Variants in PTPRD observed in about 807,000 individuals in gnomAD.
PTPRD encodes the protein protein tyrosine phosphatase receptor type D, also known as receptor-type tyrosine-protein phosphatase delta.
PTPRD carries 34 observed loss-of-function variants against 214.5 expected under a neutral mutation model. That is an observed-to-expected ratio of 0.16 (90% confidence interval 0.12 to 0.21). PTPRD has a LOEUF of 0.21. Among genes scored for constraint, PTPRD ranks in the 10% least tolerant of loss-of-function variants. The pLI, the probability that PTPRD is intolerant of heterozygous loss-of-function variation, is 1.00. For missense variants in PTPRD, 2,545 were observed against 2,398.7 expected (o/e 1.06, Z -1.27); for synonymous variants, 1,128 against 845.7 (o/e 1.33, Z -5.79).
rs202192271 is a variant in PTPRD at position 8,331,765 on chromosome 9, G to A, written c.5380-29C>T. ...TAGAAGGAAAGCCACATACCCGGCC[G>A]CAAAGGAAGACGCCAGGAGGATTCA... On this transcript the variant is annotated intron_variant, in intron 43 of 45. Coordinates refer to ENST00000381196, the MANE Select transcript of PTPRD (RefSeq NM_002839.4). 1.0e-4 allele frequency: 161 copies of A among 1,543,920 alleles called. No homozygotes were observed. The African/African-American group carries it at 1.3e-3, about 12-fold the overall frequency.
At chr9:9,709,434 G>A (rs2097686168) in intron 7 of PTPRD, among the ~76,000 whole-genome samples, 1 of 151,846 alleles carries the variant, frequency 6.6e-6, no homozygotes. Flanking sequence ...TTACAGGTAG[G>A]CCAACACTCA....
In PTPRD at chr9:8,920,932, G is replaced by C. The variant is rs548674970; in HGVS notation, c.-104+97765C>G. ...AGGATCAAGCGATTCTCCTGCCTCA[G>C]CCTCCTGCGTAGCTGGGATTACAGA... On this transcript the variant is annotated intron_variant, in intron 11 of 45. Coordinates refer to ENST00000381196, the MANE Select transcript of PTPRD (RefSeq NM_002839.4). Among the ~76,000 whole-genome samples the C allele has an allele frequency of 2.0e-5, 3 of 152,220 alleles. No individual in the cohort carries two copies. In the East Asian group the frequency reaches 5.8e-4, roughly 29 times the overall value.
intron 8 of PTPRD, among the ~76,000 whole-genome samples, chr9:9,443,701 C>T (rs1253523478): frequency 3.3e-5 from 5 of 152,138 alleles, no homozygotes; most frequent in Non-Finnish European, 5.9e-5. Flanking sequence ...CCAGACACAT[C>T]GCTGAAGCTA....
chr9:10,077,961 C>T (rs1239994121), intron 3 of PTPRD, among the ~76,000 whole-genome samples: 1 of 151,884 alleles, frequency 6.6e-6, no homozygotes, highest in Admixed American at 6.6e-5. Flanking sequence ...GTGGACACCA[C>T]ATTCATATTT....
At chr9:9,530,712 G>A (rs1000403363) in intron 8 of PTPRD, among the ~76,000 whole-genome samples, 2 of 152,146 alleles carry the variant, frequency 1.3e-5, no homozygotes, top group African/African-American at 4.8e-5. Context: ...TGTAAAAAAT[G>A]AATGAAATAA....
intron 25 of PTPRD, among the ~76,000 whole-genome samples, chr9:8,497,653 C>T (rs1285807926): frequency 6.6e-6 from 1 of 152,052 alleles, no homozygotes; most frequent in East Asian, 1.9e-4. Context: ...ACACTTATAA[C>T]TTCAATGAAG....
At position 10,031,862 on chromosome 9, in the gene PTPRD, T is replaced by A. The variant is rs147680524; in HGVS notation, c.-472+1856A>T. 2.9e-3 allele frequency among the ~76,000 whole-genome samples: 444 copies of A among 151,908 alleles called. 1 individual carries two copies. Among genetic ancestry groups the A allele is most frequent in the African/African-American group, 0.01 (420 of 41,378 alleles). On this transcript the variant is annotated intron_variant, in intron 4 of 45. Coordinates refer to ENST00000381196, the MANE Select transcript of PTPRD (RefSeq NM_002839.4). Reference sequence around the variant, plus strand: ...TTTTTGAAGACAAGAGATGGTGAATTGGCCCCTGGATAACAGAAAATTTAA... The same window carrying A: ...TTTTTGAAGACAAGAGATGGTGAATAGGCCCCTGGATAACAGAAAATTTAA...
intron 3 of PTPRD, among the ~76,000 whole-genome samples, chr9:10,100,441 G>C (rs2098540726): frequency 6.6e-6 from 1 of 151,584 alleles, no homozygotes; most frequent in Non-Finnish European, 1.5e-5. Context: ...TCTCCAGGTA[G>C]AGAAGGCAAT....
chr9:9,191,113 A>G (rs978028728), intron 9 of PTPRD, among the ~76,000 whole-genome samples: 4 of 152,154 alleles, frequency 2.6e-5, no homozygotes, highest in Admixed American at 6.6e-5. Context: ...ATTAGATTAT[A>G]AAAAGACTGG....
At chr9:8,383,981 T>C (rs2086080838) in intron 37 of PTPRD, among the ~76,000 whole-genome samples, 1 of 152,188 alleles carries the variant, frequency 6.6e-6, no homozygotes, top group African/African-American at 2.4e-5. Flanking sequence ...GTGTTCTGTA[T>C]TTCAAGATGG....
At chr9:8,384,194 G>A (rs1029669899) in intron 37 of PTPRD, among the ~76,000 whole-genome samples, 1 of 152,010 alleles carries the variant, frequency 6.6e-6, no homozygotes, top group Non-Finnish European at 1.5e-5. Context: ...AATCCCAGCT[G>A]TATACATTTT....
intron 11 of PTPRD, among the ~76,000 whole-genome samples, chr9:9,008,338 C>T (rs557888259): frequency 6.6e-6 from 1 of 151,892 alleles, no homozygotes; most frequent in East Asian, 2.0e-4. Flanking sequence ...TGTCACTCTC[C>T]TGCCTCAGCC....
intron 7 of PTPRD, among the ~76,000 whole-genome samples, chr9:9,682,787 T>A (rs569033995): frequency 6.6e-6 from 1 of 151,782 alleles, no homozygotes; most frequent in African/African-American, 2.4e-5. Context: ...TACCAGCACA[T>A]AGCCACGTGA....
At chr9:8,648,732 C>T (rs574068320) in intron 12 of PTPRD, among the ~76,000 whole-genome samples, 1 of 152,166 alleles carries the variant, frequency 6.6e-6, no homozygotes, top group Non-Finnish European at 1.5e-5. Flanking sequence ...GCAAATGACA[C>T]AATGCTTATC....
intron 11 of PTPRD, among the ~76,000 whole-genome samples, chr9:8,769,926 G>C (rs1344375137): frequency 6.6e-6 from 1 of 151,978 alleles, no homozygotes; most frequent in African/African-American, 2.4e-5. Flanking sequence ...ACGTAAATAG[G>C]AATAAGAAAT....
At chr9:8,362,436 T>C (rs888757528) in intron 39 of PTPRD, among the ~76,000 whole-genome samples, 7 of 152,258 alleles carry the variant, frequency 4.6e-5, no homozygotes, top group Non-Finnish European at 8.8e-5. Context: ...ATATTAACCA[T>C]AGATTGTAGA....
chr9:8,334,917 T>A (rs1486343542), intron 43 of PTPRD, among the ~76,000 whole-genome samples: 1 of 143,470 alleles, frequency 7.0e-6, no homozygotes, highest in Admixed American at 7.0e-5. Context: ...CTAGAAGAAA[T>A]GGATAAATTC....
intron 35 of PTPRD, among the ~76,000 whole-genome samples, chr9:8,414,658 C>A (rs2093768304): frequency 6.6e-6 from 1 of 151,962 alleles, no homozygotes; most frequent in Non-Finnish European, 1.5e-5. Context: ...TCCCAGTTTA[C>A]ACCTACTGTC....
At chr9:8,420,579 T>A (rs1397877719) in intron 35 of PTPRD, among the ~76,000 whole-genome samples, 1 of 152,086 alleles carries the variant, frequency 6.6e-6, no homozygotes, top group Admixed American at 6.6e-5. Flanking sequence ...AACAAAACGA[T>A]TATATCCCTT....
Sources: allele counts gnomAD v4.1 joint callset (sites outside exome capture counted in the v4.1 genomes callset), GRCh38; gene constraint gnomAD v4.1.1; transcripts MANE v1.5; gene names NCBI Gene and HGNC (gene_info 2026-07-23, HGNC 2026-07-21).